Variants in GRID1 observed in about 807,000 individuals in gnomAD.
The protein encoded by GRID1 is glutamate ionotropic receptor delta type subunit 1, also known as glutamate receptor ionotropic, delta-1.
A neutral mutation model predicts 98.0 loss-of-function variants in GRID1; 28 were observed. The ratio of observed to expected loss-of-function variants is 0.29; its 90% CI spans 0.21 to 0.39. The LOEUF is 0.39. Among genes scored for constraint, GRID1 ranks in the 10% least tolerant of loss-of-function variants. The probability of loss-of-function intolerance (pLI) is 1.00; values close to 1 mark genes in which losing one functional copy is unlikely to be tolerated. For missense variants in GRID1, 1,111 were observed against 1,340.5 expected (o/e 0.83, Z 2.67); for synonymous variants, 553 against 538.5 (o/e 1.03, Z -0.37).
intron 4 of GRID1, among the ~76,000 whole-genome samples, chr10:86,010,451 G>A (rs1458094162): frequency 6.6e-6 from 1 of 152,130 alleles, no homozygotes; most frequent in Non-Finnish European, 1.5e-5. Flanking sequence ...GGGTGCCCAG[G>A]GACCAGACCA....
chr10:85,983,209 T>TAAGTACTCCTC (rs1842566987), intron 4 of GRID1, among the ~76,000 whole-genome samples: 1 of 152,016 alleles, frequency 6.6e-6, no homozygotes, highest in Non-Finnish European at 1.5e-5. Context: ...CTCTGTTGAG[T>TAAGTACTCCTC]TCATGAGTAA....
chr10:86,085,643 C>G lies in GRID1; in HGVS notation c.726+53176G>C, dbSNP rs1218845315. Among the ~76,000 whole-genome samples, 4 of 152,146 alleles carry G rather than the reference C, an allele frequency of 2.6e-5. No individual in the cohort carries two copies. In the East Asian group the frequency reaches 7.7e-4, roughly 29 times the overall value. ...TGAAATGGACAGTCACAGGGAACAT[C>G]TCCTTTATTTCCTGGTCACCAGGAA... is the stretch of plus-strand genomic sequence containing the variant. On this transcript the variant is annotated intron_variant, in intron 4 of 15. Transcript: ENST00000327946.
chr10:86,153,277 T>C (rs1046966947), intron 3 of GRID1, among the ~76,000 whole-genome samples: 1 of 152,230 alleles, frequency 6.6e-6, no homozygotes, highest in Non-Finnish European at 1.5e-5. Flanking sequence ...CACACTCACC[T>C]GCACTCACAC....
At chr10:86,207,323 T>C (rs11201942) in intron 2 of GRID1, among the ~76,000 whole-genome samples, 6,881 of 152,268 alleles carry the variant, frequency 0.045, 236 homozygotes, top group Admixed American at 0.087. Context: ...CAAAAGCCAC[T>C]TGACAATAAC....
At chr10:85,603,252 C>A (rs1177585079) in intron 15 of GRID1, among the ~76,000 whole-genome samples, 1 of 152,202 alleles carries the variant, frequency 6.6e-6, no homozygotes, top group African/African-American at 2.4e-5. Flanking sequence ...CAGAGAGAAG[C>A]CCTGCCTCAC....
chr10:85,848,981 T>G lies in GRID1; in HGVS notation c.1233+5515A>C, dbSNP rs769089909. Among the ~76,000 whole-genome samples the G allele has an allele frequency of 1.8e-4, 27 of 152,316 alleles. 1 individual carries two copies. Among genetic ancestry groups the G allele is most frequent in the Middle Eastern group, 3.4e-3 (1 of 294 alleles). ...GGAAGTCTCTATGGGAGCAGCTTAA[T>G]AGAGACACTGCACAGTCCTCAGACT... On this transcript the variant is annotated intron_variant, in intron 8 of 15. Transcript: ENST00000327946.
chr10:85,840,633 G>T (rs2131770584), intron 8 of GRID1, among the ~76,000 whole-genome samples: 1 of 152,282 alleles, frequency 6.6e-6, no homozygotes, highest in South Asian at 2.1e-4. Flanking sequence ...AAGAACTTCA[G>T]CAAAGTCTTA....
intron 8 of GRID1, among the ~76,000 whole-genome samples, chr10:85,765,710 G>GA (rs1009245694): frequency 2.6e-5 from 4 of 152,136 alleles, no homozygotes; most frequent in African/African-American, 7.2e-5. Flanking sequence ...TCCCAAATCA[G>GA]AAAAAATCAG....
rs193038336 is a variant in GRID1 at position 86,200,441 on chromosome 10, G to A, written c.520+5923C>T. 1.7e-3 allele frequency among the ~76,000 whole-genome samples: 260 copies of A among 152,314 alleles called. 1 individual carries two copies. The highest frequency in any genetic ancestry group is 2.0e-3 in the Non-Finnish European group (134 of 68,014). ...AGGAATATCAGCCCACAGATGCTGA[G>A]AGAGGTAGGCTTGCTAGGCTCGCAG... On this transcript the variant is annotated intron_variant, in intron 3 of 15. Transcript: ENST00000327946.
intron 4 of GRID1, among the ~76,000 whole-genome samples, chr10:86,136,080 CT>C (rs1370236301): frequency 1.3e-5 from 2 of 152,160 alleles, no homozygotes; most frequent in Non-Finnish European, 2.9e-5. Flanking sequence ...GTGTGTCATC[CT>C]TGTGAACATC....
At chr10:86,032,348 G>A (rs973420358) in intron 4 of GRID1, among the ~76,000 whole-genome samples, 9 of 152,220 alleles carry the variant, frequency 5.9e-5, no homozygotes, top group East Asian at 3.9e-4. Context: ...CATTGAGAAC[G>A]GGCCATGATG....
chr10:85,903,762 A>G (rs947401450), intron 5 of GRID1, among the ~76,000 whole-genome samples: 1 of 152,152 alleles, frequency 6.6e-6, no homozygotes, highest in African/African-American at 2.4e-5. Flanking sequence ...CCTCTGTGCC[A>G]TTCCTAAAGC....
intron 3 of GRID1, among the ~76,000 whole-genome samples, chr10:86,198,606 A>T (rs1203000991): frequency 6.6e-6 from 1 of 152,176 alleles, no homozygotes; most frequent in Non-Finnish European, 1.5e-5. Flanking sequence ...ATTGTATCGC[A>T]ATTTTACAAA....
intron 2 of GRID1, among the ~76,000 whole-genome samples, chr10:86,225,410 C>G (rs753973961): frequency 6.6e-6 from 1 of 152,202 alleles, no homozygotes; most frequent in African/African-American, 2.4e-5. Context: ...CTGAGAATTA[C>G]GAATATTTAT....
intron 8 of GRID1, among the ~76,000 whole-genome samples, chr10:85,779,125 G>A (rs971387761): frequency 6.6e-6 from 1 of 152,298 alleles, no homozygotes; most frequent in East Asian, 1.9e-4. Flanking sequence ...AGCTGCTGTT[G>A]GAGAAAAGTT....
At chr10:85,997,227 C>T (rs999627117) in intron 4 of GRID1, among the ~76,000 whole-genome samples, 7 of 152,084 alleles carry the variant, frequency 4.6e-5, no homozygotes, top group African/African-American at 1.7e-4. Context: ...TGGTGAAACC[C>T]CATCTCTACT....
intron 2 of GRID1, among the ~76,000 whole-genome samples, chr10:86,301,945 T>C (rs1195567794): frequency 3.9e-5 from 6 of 152,204 alleles, no homozygotes; most frequent in Admixed American, 2.6e-4. Context: ...AAGGCTATAT[T>C]TGCACCCCCA....
chr10:86,256,749 C>T (rs2132052545), intron 2 of GRID1, among the ~76,000 whole-genome samples: 1 of 152,336 alleles, frequency 6.6e-6, no homozygotes, highest in South Asian at 2.1e-4. Flanking sequence ...GCTGGTGTCT[C>T]CCGTCCACTC....
At chr10:86,338,589 G>C (rs575630003) in intron 2 of GRID1, among the ~76,000 whole-genome samples, 2 of 152,170 alleles carry the variant, frequency 1.3e-5, no homozygotes, top group South Asian at 4.2e-4. Context: ...GGGGAGTCTC[G>C]CTCTATCCCC....
Sources: gnomAD v4.1 joint callset for allele counts (sites outside exome capture counted in the v4.1 genomes callset) on GRCh38, gnomAD v4.1.1 for gene constraint, MANE v1.5 for transcripts, NCBI Gene and HGNC (gene_info 2026-07-23, HGNC 2026-07-21) for gene names.